QDPR: variants seen among roughly 807,000 people sequenced by gnomAD.
QDPR encodes dihydropteridine reductase.
Under a neutral mutation model 31.7 loss-of-function variants are expected in QDPR, and 23 were observed. The observed-to-expected ratio is 0.73, with a 90% CI of 0.52 to 1.03. The LOEUF is 1.03. QDPR is among the 50% of genes least tolerant of loss of function. QDPR has a pLI of 0.00. For synonymous variants in QDPR, 124 were observed against 124.7 expected (o/e 0.99, Z 0.03); for missense variants, 324 against 323.8 (o/e 1.00, Z 0.00).
At chr4:17,495,836 C>G (rs1250677327) in intron 4 of QDPR, among the ~76,000 whole-genome samples, 1 of 151,738 alleles carries the variant, frequency 6.6e-6, no homozygotes, top group Non-Finnish European at 1.5e-5. Flanking sequence ...TGGTGAAACC[C>G]TGTCTCCACA....
chr4:17,487,254 A>C lies in QDPR; in HGVS notation c.630-18T>G, dbSNP rs1717994406. 6.3e-7 allele frequency: 1 copy of C among 1,586,814 alleles called. No individual in the cohort carries two copies. The highest frequency in any genetic ancestry group is 1.4e-5 in the African/African-American group (1 of 73,478). On this transcript the variant is annotated intron_variant, in intron 6 of 6. Transcript: ENST00000281243. ...GGAAAGTTCTGGAACAGAAAATAAAAGTTTTTTTTATATTCTCAAAGCAAA... is the reference window on the plus strand; with the variant it reads ...GGAAAGTTCTGGAACAGAAAATAAACGTTTTTTTTATATTCTCAAAGCAAA...
In QDPR at chr4:17,505,507, A is replaced by T. The variant is rs555794889; in HGVS notation, c.199-1032T>A. On this transcript the variant is annotated intron_variant, in intron 2 of 6. Coordinates refer to ENST00000281243, the MANE Select transcript of QDPR (RefSeq NM_000320.3). ...GGTGATTCGCCTGCCTCGGCCTCTC[A>T]GAGTGCTGGGACAACAGGACTGAGC... Among the ~76,000 whole-genome samples, 153 of 152,274 alleles carry T rather than the reference A, an allele frequency of 1.0e-3. 1 individual carries two copies. Among genetic ancestry groups the T allele is most frequent in the African/African-American group, 3.5e-3 (144 of 41,570 alleles).
intron 4 of QDPR, among the ~76,000 whole-genome samples, chr4:17,498,789 T>C (rs1206705112): frequency 6.6e-6 from 1 of 152,216 alleles, no homozygotes; most frequent in African/African-American, 2.4e-5. Flanking sequence ...GGTGAGGTTT[T>C]CTCAGTATCC....
intron 4 of QDPR, among the ~76,000 whole-genome samples, chr4:17,498,324 C>T (rs1488363598): frequency 6.6e-6 from 1 of 152,166 alleles, no homozygotes; most frequent in Non-Finnish European, 1.5e-5. Flanking sequence ...TATTTGGAAG[C>T]ACAAGAAGAA....
intron 2 of QDPR, 93 bp downstream of exon 2, chr4:17,509,178 G>T: frequency 1.9e-6 from 2 of 1,032,708 alleles, no homozygotes; most frequent in Non-Finnish European, 3.0e-6. Flanking sequence ...AGAAATAAAA[G>T]GAAGAACATA....
chr4:17,487,548 A>C (rs1195953075), intron 6 of QDPR, among the ~76,000 whole-genome samples: 2 of 152,168 alleles, frequency 1.3e-5, no homozygotes, highest in African/African-American at 4.8e-5. Flanking sequence ...CAGGAGGCTG[A>C]GGAAGTAGAA....
intron 4 of QDPR, among the ~76,000 whole-genome samples, chr4:17,499,197 CAGAA>C (rs1470953549): frequency 1.3e-5 from 2 of 152,140 alleles, no homozygotes; most frequent in Middle Eastern, 3.2e-3. Context: ...AACGCAGACT[CAGAA>C]AGGCGAAGTA....
At position 17,509,322 on chromosome 4, in the gene QDPR, G is replaced by A. The variant is rs758659025; in HGVS notation, c.147C>T (p.Ser49=). 118 of 1,613,882 alleles carry A rather than the reference G, an allele frequency of 7.3e-5. No homozygotes were observed. The highest frequency in any genetic ancestry group is 1.6e-4 in the Middle Eastern group (1 of 6,084). ...CTGTCATTTTAACAATGATGCTAGC[G>A]CTGGCCTCTTCATTCTCCACCACAT... ...SVDVVENEEA[S]ASIIVKMTDS... The change falls in exon 2 of 7, where the codon AGC becomes AGT. Residue 49 remains serine, a synonymous_variant. Transcript: ENST00000281243.
rs2518608 is a variant in QDPR, at chr4:17,511,959, G to A, written c.96C>T (p.Ala32=). ...CAGCCCGCAGCATTACCCAGTTGCGGGCCCGAAAAGCCTGCACGCATCGAG... is the reference window on the plus strand; with the variant it reads ...CAGCCCGCAGCATTACCCAGTTGCGAGCCCGAAAAGCCTGCACGCATCGAG... ...LGSRCVQAFR[A]RNWWVASVDV... is the part of the protein sequence containing the mutation. The change falls in exon 1 of 7, where the codon GCC becomes GCT. Residue 32 remains alanine (A), a synonymous_variant. Transcript: ENST00000281243. The A allele has an allele frequency of 0.012, 18,954 of 1,610,798 alleles. 156 individuals carry two copies. The highest frequency in any genetic ancestry group is 0.024 in the Middle Eastern group (147 of 6,052).
At chr4:17,506,277 G>A (rs1718784211) in intron 2 of QDPR, among the ~76,000 whole-genome samples, 1 of 151,984 alleles carries the variant, frequency 6.6e-6, no homozygotes, top group Non-Finnish European at 1.5e-5. Context: ...CTACAGTTGT[G>A]TGCCACCACA....
In QDPR at chr4:17,488,804, C is replaced by A. The variant is rs971639467; in HGVS notation, c.630-1568G>T. On this transcript the variant is annotated intron_variant, in intron 6 of 6. Transcript: ENST00000281243. ...AGGTCCAGTCATTCAGGCCCCTACT[C>A]TGGGGTTTGAACAAGCTCATATGAG... is the stretch of plus-strand genomic sequence containing the variant. Among the ~76,000 whole-genome samples the A allele has an allele frequency of 3.3e-5, 5 of 152,186 alleles. No homozygotes were observed. The South Asian group carries it at 1.0e-3, about 31-fold the overall frequency.
chr4:17,509,231 G>C (rs1156458468), intron 2 of QDPR, 40 bp downstream of exon 2: 4 of 1,496,222 alleles, frequency 2.7e-6, no homozygotes, highest in Non-Finnish European at 3.7e-6. Context: ...CCTCTCCCCA[G>C]GGTTCCCCTC....
At chr4:17,505,198 T>A (rs1458030542) in intron 2 of QDPR, among the ~76,000 whole-genome samples, 2 of 151,844 alleles carry the variant, frequency 1.3e-5, no homozygotes, top group Admixed American at 1.3e-4. Context: ...ATGGCTGAGA[T>A]GACAAATCCC....
intron 1 of QDPR, among the ~76,000 whole-genome samples, chr4:17,510,548 G>A (rs1329844521): frequency 6.6e-6 from 1 of 152,124 alleles, no homozygotes; most frequent in Admixed American, 6.5e-5. Context: ...ACAATGAAAA[G>A]TCTCCATCAT....
chr4:17,487,815 T>A (rs2253130), intron 6 of QDPR, among the ~76,000 whole-genome samples: 100,433 of 151,916 alleles, frequency 0.66, 33,468 homozygotes, highest in East Asian at 0.77. Context: ...AATAAAAAAT[T>A]AATAAAAGCC....
At position 17,511,835 on chromosome 4, in the gene QDPR, A is replaced by G. The variant is rs2244804; in HGVS notation, c.105+115T>C. 363,566 of 1,013,876 alleles carry G rather than the reference A, an allele frequency of 0.36. 70,028 individuals are homozygous for G. The highest frequency in any genetic ancestry group is 0.62 in the African/African-American group (37,776 of 61,238). The allele number at this position is 1,013,876 out of a possible 1,614,324, so 62.8% of individuals were successfully genotyped here. A position where few individuals can be genotyped will look rare whatever the true frequency, so the allele number is the denominator to read the frequency against. ...TGTGCGCGCACGTGCAAGCAACACG[A>G]GTCAGGGGGTGCACAGGGGCCCCCA... On this transcript the variant is annotated intron_variant, in intron 1 of 6. Transcript: ENST00000281243.
At chr4:17,490,448 T>C in intron 6 of QDPR, 1 of 550,450 alleles carries the variant, frequency 1.8e-6, no homozygotes, top group Non-Finnish European at 3.4e-6. Context: ...AGGATTCATG[T>C]CGGCACTACC....
chr4:17,501,810 C>A lies in QDPR; in HGVS notation c.345G>T (p.Ser115=), dbSNP rs3733570. ...TGGTAGCCAGATGGCTGGAGATGGT[C>A]GATGTCCATATGCTCTGCTTCCACA... ...DLMWKQSIWT[S]TISSHLATKH... The change falls in exon 4 of 7, where the codon TCG becomes TCT. Residue 115 remains serine (S), a synonymous_variant. Transcript: ENST00000281243. The A allele has an allele frequency of 2.5e-6, 4 of 1,614,078 alleles. No individual in the cohort carries two copies. The African/African-American group carries it at 5.3e-5, about 22-fold the overall frequency.
intron 6 of QDPR, among the ~76,000 whole-genome samples, chr4:17,488,444 A>C (rs568142831): frequency 6.6e-6 from 1 of 152,242 alleles, no homozygotes; most frequent in East Asian, 1.9e-4. Flanking sequence ...ACAATGGAAA[A>C]AGAGATAGAA....
Sources: allele counts gnomAD v4.1 joint callset (sites outside exome capture counted in the v4.1 genomes callset), GRCh38; gene constraint gnomAD v4.1.1; transcripts MANE v1.5; gene names NCBI Gene and HGNC (gene_info 2026-07-23, HGNC 2026-07-21).